Variants in HEMK2 observed in about 807,000 individuals in gnomAD.
HEMK2 encodes methyltransferase HEMK2.
the HEMK2 span, chr21:28,885,228 C>T: frequency 3.2e-6 from 5 of 1,583,326 alleles, no homozygotes; most frequent in South Asian, 1.1e-5. Context: ...AGTTCGGCAG[C>T]CGCTGCCTCC....
At chr21:28,704,543 C>T in the HEMK2 span, among the ~76,000 whole-genome samples, 1 of 135,820 alleles carries the variant, frequency 7.4e-6, no homozygotes, top group African/African-American at 3.0e-5. Flanking sequence ...TCAGCATGTT[C>T]CAGAAGGTTT....
the HEMK2 span, among the ~76,000 whole-genome samples, chr21:28,717,540 C>T: frequency 7.3e-6 from 1 of 136,400 alleles, no homozygotes; most frequent in Non-Finnish European, 1.5e-5. Flanking sequence ...AGTACAGTGG[C>T]ATGCTCTCGG....
chr21:28,741,593 C>A, the HEMK2 span, among the ~76,000 whole-genome samples: 2 of 152,150 alleles, frequency 1.3e-5, no homozygotes, highest in Non-Finnish European at 2.9e-5. Flanking sequence ...TTGTTCCCCT[C>A]TATGTGTCTC....
At chr21:28,678,123 T>C in the HEMK2 span, among the ~76,000 whole-genome samples, 1 of 152,080 alleles carries the variant, frequency 6.6e-6, no homozygotes, top group Non-Finnish European at 1.5e-5. Context: ...TTTGAACCCA[T>C]GGCAAAGAAG....
the HEMK2 span, among the ~76,000 whole-genome samples, chr21:28,868,890 G>A: frequency 6.6e-6 from 1 of 152,056 alleles, no homozygotes; most frequent in African/African-American, 2.4e-5. Flanking sequence ...TAATAAGTCA[G>A]TGGTTTTTTA....
At chr21:28,767,487 A>G in the HEMK2 span, among the ~76,000 whole-genome samples, 1 of 152,208 alleles carries the variant, frequency 6.6e-6, no homozygotes, top group Non-Finnish European at 1.5e-5. Context: ...ACCAAGACCC[A>G]GGAGAATTCA....
chr21:28,821,521 C>T, the HEMK2 span, among the ~76,000 whole-genome samples: 10 of 152,336 alleles, frequency 6.6e-5, no homozygotes, highest in African/African-American at 1.9e-4. Context: ...ATAACAATGA[C>T]TGTGTCTATA....
At chr21:28,822,708 A>G in the HEMK2 span, among the ~76,000 whole-genome samples, 9 of 152,246 alleles carry the variant, frequency 5.9e-5, no homozygotes, top group South Asian at 1.9e-3. Flanking sequence ...ACTGAAGGTT[A>G]TATTTAATTA....
the HEMK2 span, among the ~76,000 whole-genome samples, chr21:28,795,700 A>G: frequency 1.3e-5 from 2 of 152,276 alleles, no homozygotes; most frequent in African/African-American, 2.4e-5. Context: ...GATGATTCAT[A>G]AAATATATTC....
chr21:28,860,562 A>G, the HEMK2 span, among the ~76,000 whole-genome samples: 1 of 151,912 alleles, frequency 6.6e-6, no homozygotes, highest in Non-Finnish European at 1.5e-5. Flanking sequence ...AAATTTTAAA[A>G]AATTATGAAC....
At chr21:28,743,520 C>G in the HEMK2 span, among the ~76,000 whole-genome samples, 1 of 150,800 alleles carries the variant, frequency 6.6e-6, no homozygotes, top group African/African-American at 2.4e-5. Context: ...TAACAGAACA[C>G]AGTAAGTAAC....
the HEMK2 span, among the ~76,000 whole-genome samples, chr21:28,767,293 C>G: frequency 6.6e-6 from 1 of 151,730 alleles, no homozygotes; most frequent in Non-Finnish European, 1.5e-5. Flanking sequence ...TCGGGTATGT[C>G]TTTTTCAGCA....
At chr21:28,740,047 G>A in the HEMK2 span, among the ~76,000 whole-genome samples, 4 of 152,266 alleles carry the variant, frequency 2.6e-5, no homozygotes, top group South Asian at 6.2e-4. Flanking sequence ...GTAAATTCTT[G>A]TCTTCCCCCA....
chr21:28,825,668 G>A, the HEMK2 span, among the ~76,000 whole-genome samples: 4 of 152,220 alleles, frequency 2.6e-5, no homozygotes, highest in Non-Finnish European at 5.9e-5. Flanking sequence ...AATTCAATGC[G>A]TAAGCAATCA....
chr21:28,648,450 A>G, the HEMK2 span, among the ~76,000 whole-genome samples: 3 of 152,136 alleles, frequency 2.0e-5, no homozygotes, highest in Admixed American at 6.6e-5. Flanking sequence ...AAGATCCCTG[A>G]GGACAGGGAC....
the HEMK2 span, among the ~76,000 whole-genome samples, chr21:28,725,273 C>T: frequency 6.6e-6 from 1 of 152,142 alleles, no homozygotes; most frequent in Non-Finnish European, 1.5e-5. Context: ...TGACTTATGG[C>T]ACATCTCTTG....
chr21:28,766,756 C>T, the HEMK2 span, among the ~76,000 whole-genome samples: 1 of 151,934 alleles, frequency 6.6e-6, no homozygotes, highest in Admixed American at 6.6e-5. Flanking sequence ...AAATAGAAAA[C>T]AAAATATTGT....
chr21:28,678,980 C>A, the HEMK2 span, among the ~76,000 whole-genome samples: 11 of 152,308 alleles, frequency 7.2e-5, no homozygotes, highest in South Asian at 2.1e-3. Context: ...GAAGAAAACG[C>A]ATCAACTAAT....
the HEMK2 span, among the ~76,000 whole-genome samples, chr21:28,775,100 G>T: frequency 6.6e-6 from 1 of 152,260 alleles, no homozygotes; most frequent in East Asian, 1.9e-4. Flanking sequence ...TTAATATTTT[G>T]CATACTTGAA....
Sources: gnomAD v4.1 joint callset for allele counts (sites outside exome capture counted in the v4.1 genomes callset) on GRCh38, gnomAD v4.1.1 for gene constraint, MANE v1.5 for transcripts, NCBI Gene and HGNC (gene_info 2026-07-23, HGNC 2026-07-21) for gene names.